ZNF407: variants seen among roughly 807,000 people sequenced by gnomAD.
The protein encoded by ZNF407 is zinc finger protein 407.
Under a neutral mutation model 131.2 loss-of-function variants are expected in ZNF407, and 17 were observed. The ratio of observed to expected loss-of-function variants is 0.13; its 90% confidence interval spans 0.09 to 0.19. The LOEUF (loss-of-function observed/expected upper bound fraction) is 0.19. Among genes scored for constraint, ZNF407 ranks in the 10% least tolerant of loss-of-function variants. The pLI, the probability that ZNF407 is intolerant of heterozygous loss-of-function variation, is 1.00. For missense variants in ZNF407, 2,681 were observed against 2,830.6 expected, an observed-to-expected ratio of 0.95 and a Z score of 1.20; for synonymous variants, 1,156 against 1,062.0, an observed-to-expected ratio of 1.09 and a Z score of -1.72.
intron 8 of ZNF407, among the ~76,000 whole-genome samples, chr18:74,973,918 A>G (rs1294372305): frequency 6.6e-6 from 1 of 152,192 alleles, no homozygotes; most frequent in Non-Finnish European, 1.5e-5. Context: ...GTACTCCAGT[A>G]TGATTTCTTC....
intron 8 of ZNF407, among the ~76,000 whole-genome samples, chr18:75,038,170 A>G (rs1260073337): frequency 3.9e-5 from 6 of 152,264 alleles, no homozygotes; most frequent in Non-Finnish European, 7.3e-5. Context: ...CTAAGCTGTT[A>G]GCACAGAAGA....
intron 3 of ZNF407, among the ~76,000 whole-genome samples, chr18:74,696,632 G>A (rs1436019885): frequency 3.9e-5 from 6 of 152,170 alleles, no homozygotes; most frequent in African/African-American, 1.4e-4. Flanking sequence ...GTGTGTGTGT[G>A]TGTTTGTGTG....
intron 1 of ZNF407, among the ~76,000 whole-genome samples, chr18:74,603,740 A>C (rs147546277): frequency 2.0e-5 from 3 of 152,352 alleles, no homozygotes; most frequent in African/African-American, 7.2e-5. Context: ...CAAGCACTGG[A>C]GAGAATAAGT....
At position 75,064,340 on chromosome 18, in the gene ZNF407, G is replaced by C; in HGVS notation, c.6619G>C (p.Gly2207Arg). ...ACTCCTGCAGGCCGGGGCCACGCTA[G>C]GCACAGAGGCCGGGGCCCCAAGCAG... ...QELLQAGATL[G>R]TEAGAPSRAE... The change falls in exon 9 of 9, where the codon GGC (glycine) becomes CGC (arginine). Residue 2207 changes from glycine (G) to arginine (R), a missense_variant. Gly to Arg is a moderately radical substitution (Grantham distance 125). Around this residue, in one of 6 missense-constraint regions of ZNF407, gnomAD observed 620 missense variants for 583.1 expected, o/e 1.06. Transcript: ENST00000299687. The C allele has an allele frequency of 6.3e-7, 1 of 1,592,226 alleles. No individual in the cohort carries two copies. The highest frequency in any genetic ancestry group is 2.3e-5 in the East Asian group (1 of 43,764).
chr18:75,018,699 G>T (rs1210764232), intron 8 of ZNF407, among the ~76,000 whole-genome samples: 1 of 151,990 alleles, frequency 6.6e-6, no homozygotes, highest in Admixed American at 6.6e-5. Flanking sequence ...TAAAAATGTA[G>T]TGCTTTAAAG....
chr18:74,619,607 G>A (rs1983437166), intron 1 of ZNF407, among the ~76,000 whole-genome samples: 1 of 152,008 alleles, frequency 6.6e-6, no homozygotes, highest in Admixed American at 6.5e-5. Context: ...GAGAAAGGAG[G>A]GGCTCTATCA....
chr18:74,647,795 G>A (rs892732625), intron 3 of ZNF407, among the ~76,000 whole-genome samples: 4 of 152,118 alleles, frequency 2.6e-5, no homozygotes, highest in Non-Finnish European at 4.4e-5. Context: ...TCTGTGTTGC[G>A]GAAGCCACTC....
At chr18:74,877,869 T>TGATAATTGATACAAATACTTG (rs1436423235) in intron 5 of ZNF407, among the ~76,000 whole-genome samples, 6 of 152,244 alleles carry the variant, frequency 3.9e-5, no homozygotes, top group African/African-American at 1.4e-4. Context: ...CAAGAGTTTT[T>TGATAATTGATACAAATACTTG]GATAATTGAT....
At chr18:75,060,645 A>G (rs1313824395) in intron 8 of ZNF407, among the ~76,000 whole-genome samples, 4 of 150,778 alleles carry the variant, frequency 2.7e-5, no homozygotes, top group African/African-American at 9.7e-5. Flanking sequence ...AGCTGGGATT[A>G]CAGGCACCCG....
chr18:74,820,171 T>C (rs753358633), intron 4 of ZNF407, among the ~76,000 whole-genome samples: 4 of 152,188 alleles, frequency 2.6e-5, no homozygotes, highest in African/African-American at 4.8e-5. Context: ...ACTGGAAAGA[T>C]TGTATTTCAG....
chr18:74,734,488 G>T (rs1349358756), intron 3 of ZNF407, among the ~76,000 whole-genome samples: 1 of 152,160 alleles, frequency 6.6e-6, no homozygotes, highest in Non-Finnish European at 1.5e-5. Flanking sequence ...TCTGTAGTAT[G>T]ATAGTTTTCT....
chr18:74,617,697 C>G (rs886123545), intron 1 of ZNF407, among the ~76,000 whole-genome samples: 97 of 152,296 alleles, frequency 6.4e-4, no homozygotes, highest in Admixed American at 3.1e-3. Context: ...CTGTGTCCAT[C>G]TGCTCTTCAT....
Position 74,635,262 on chromosome 18 carries a change from C to T in ZNF407, c.4243C>T (p.Arg1415Cys), listed in dbSNP as rs551880785. Residue 1415 changes from arginine to cysteine, a missense_variant, in exon 2 of 9, where the codon CGC becomes TGC. Arg to Cys is a radical substitution (Grantham distance 180). Transcript: ENST00000299687. This position sits in a 1 kb window ranked among gnomAD's most constrained non-coding sequence, Gnocchi z 4.7. ...GSSIGESTRIRCDDCGFLADG... is the reference protein window; with the variant it reads ...GSSIGESTRICCDDCGFLADG... Reference sequence around the variant, plus strand: ...TTCCATTGGTGAGTCTACACGAATTCGCTGTGATGATTGTGGCTTCTTAGC... The same window carrying T: ...TTCCATTGGTGAGTCTACACGAATTTGCTGTGATGATTGTGGCTTCTTAGC... The T allele has an allele frequency of 1.1e-5, 18 of 1,614,002 alleles. No homozygotes were observed. Among genetic ancestry groups the T allele is most frequent in the Middle Eastern group, 1.6e-4 (1 of 6,062 alleles).
intron 1 of ZNF407, among the ~76,000 whole-genome samples, chr18:74,622,915 TGTCA>T (rs902974682): frequency 5.9e-5 from 9 of 152,116 alleles, no homozygotes; most frequent in East Asian, 1.9e-4. Context: ...AGTGTGTGAA[TGTCA>T]GTATCTGTGA....
chr18:74,869,250 A>T (rs1053307877), intron 4 of ZNF407, among the ~76,000 whole-genome samples: 4 of 152,216 alleles, frequency 2.6e-5, no homozygotes, highest in African/African-American at 9.7e-5. Context: ...ACATAAATCC[A>T]GTGGCTTTTT....
At chr18:75,015,070 G>T (rs1037717182) in intron 8 of ZNF407, among the ~76,000 whole-genome samples, 8 of 152,064 alleles carry the variant, frequency 5.3e-5, no homozygotes, top group Non-Finnish European at 1.2e-4. Flanking sequence ...CTAATTTGGG[G>T]AGACTACTAA....
At chr18:74,749,654 A>G (rs1368971380) in intron 3 of ZNF407, among the ~76,000 whole-genome samples, 1 of 152,228 alleles carries the variant, frequency 6.6e-6, no homozygotes, top group Non-Finnish European at 1.5e-5. Context: ...CACAAATTTC[A>G]GAATTTATTG....
intron 4 of ZNF407, among the ~76,000 whole-genome samples, chr18:74,789,018 A>G (rs1000883587): frequency 1.6e-4 from 25 of 152,132 alleles, no homozygotes; most frequent in Non-Finnish European, 3.2e-4. Context: ...ATTGACTACT[A>G]TGTTCGAAGA....
chr18:74,654,658 A>T (rs1429357740), intron 3 of ZNF407, among the ~76,000 whole-genome samples: 1 of 151,912 alleles, frequency 6.6e-6, no homozygotes, highest in African/African-American at 2.4e-5. Flanking sequence ...ATAACATGTT[A>T]AACTACTACA....
Sources: allele counts gnomAD v4.1 joint callset (sites outside exome capture counted in the v4.1 genomes callset), GRCh38; gene constraint gnomAD v4.1.1; regional missense constraint gnomAD v4.1.1; non-coding constraint Gnocchi (gnomAD v3.1); transcripts MANE v1.5; gene names NCBI Gene and HGNC (gene_info 2026-07-23, HGNC 2026-07-21).